The following COMMD10 variants were observed in gnomAD, a reference collection of about 807,000 sequenced individuals.
COMMD10 encodes the protein COMM domain containing 10.
A neutral mutation model predicts 28.9 loss-of-function variants in COMMD10; 33 were observed. The observed-to-expected ratio is 1.14, with a 90% confidence interval of 0.87 to 1.53. COMMD10 has a LOEUF of 1.53. Among genes scored for constraint, COMMD10 ranks in the 40% most tolerant of loss-of-function variants. The pLI, the probability that COMMD10 is intolerant of heterozygous loss-of-function variation, is 0.00. For missense variants in COMMD10, 310 were observed against 233.4 expected, an observed-to-expected ratio of 1.33 and a Z score of -2.14; for synonymous variants, 110 against 81.7, an observed-to-expected ratio of 1.35 and a Z score of -1.87.
chr5:116,146,464 T>C (rs1752354299), intron 5 of COMMD10, among the ~76,000 whole-genome samples: 1 of 151,874 alleles, frequency 6.6e-6, no homozygotes, highest in African/African-American at 2.4e-5. Context: ...CTGGTATTCT[T>C]ATTTTGAGGG....
intron 4 of COMMD10, among the ~76,000 whole-genome samples, chr5:116,105,010 A>G (rs1750792635): frequency 6.6e-6 from 1 of 152,166 alleles, no homozygotes; most frequent in African/African-American, 2.4e-5. Context: ...AGGAGTGGTG[A>G]GAGAGGGCAT....
intron 5 of COMMD10, among the ~76,000 whole-genome samples, chr5:116,212,776 C>G (rs1364584815): frequency 6.6e-6 from 1 of 151,848 alleles, no homozygotes; most frequent in African/African-American, 2.4e-5. Context: ...GTACAAACAT[C>G]GAAGGCTATC....
chr5:116,234,839 C>T (rs974103569), intron 5 of COMMD10, among the ~76,000 whole-genome samples: 3 of 152,046 alleles, frequency 2.0e-5, no homozygotes, highest in Non-Finnish European at 4.4e-5. Flanking sequence ...ATAATGGTGG[C>T]GGAGCACAGG....
intron 5 of COMMD10, among the ~76,000 whole-genome samples, chr5:116,230,983 T>G (rs1026900877): frequency 3.9e-5 from 6 of 151,964 alleles, no homozygotes; most frequent in Non-Finnish European, 8.8e-5. Flanking sequence ...TTGTGGGGAG[T>G]GGGGATAGTA....
At chr5:116,122,316 C>A (rs897566569) in intron 4 of COMMD10, among the ~76,000 whole-genome samples, 2 of 151,796 alleles carry the variant, frequency 1.3e-5, no homozygotes, top group South Asian at 2.1e-4. Flanking sequence ...ATTTCTGAGG[C>A]CTCTGTTCTG....
chr5:116,251,181 T>C (rs1161774681), intron 5 of COMMD10, among the ~76,000 whole-genome samples: 1 of 152,000 alleles, frequency 6.6e-6, no homozygotes, highest in East Asian at 1.9e-4. Context: ...ATTTTTCCAT[T>C]ATGTTCTTAC....
chr5:116,146,928 G>A (rs1447175314), intron 5 of COMMD10, among the ~76,000 whole-genome samples: 1 of 151,646 alleles, frequency 6.6e-6, no homozygotes, highest in Admixed American at 6.6e-5. Flanking sequence ...TAATACTTAT[G>A]ATCCAAAGCT....
rs76411354 is a variant in COMMD10, at chr5:116,266,680, C to T, written c.511-24837C>T. ...TTAGCCCATTATCCCTGATGAACATCGATGCAAAAATCCTCAATAAAACAC... is the reference window on the plus strand; with the variant it reads ...TTAGCCCATTATCCCTGATGAACATTGATGCAAAAATCCTCAATAAAACAC... On this transcript the variant is annotated intron_variant, in intron 5 of 6. Transcript: ENST00000274458. Among the ~76,000 whole-genome samples, 672 of 151,742 alleles carry T rather than the reference C, an allele frequency of 4.4e-3. 18 individuals are homozygous for T. Among genetic ancestry groups the T allele is most frequent in the African/African-American group, 0.015 (600 of 41,190 alleles).
At chr5:116,167,782 T>C (rs1261897606) in intron 5 of COMMD10, among the ~76,000 whole-genome samples, 1 of 151,958 alleles carries the variant, frequency 6.6e-6, no homozygotes, top group African/African-American at 2.4e-5. Flanking sequence ...AACCAGATAC[T>C]AAGGGATTTT....
chr5:116,262,651 T>A (rs1313448006), intron 5 of COMMD10, among the ~76,000 whole-genome samples: 1 of 151,870 alleles, frequency 6.6e-6, no homozygotes, highest in East Asian at 1.9e-4. Flanking sequence ...GTCTGTGTAT[T>A]CCCAAGATTT....
chr5:116,195,933 A>C (rs1748505809), intron 5 of COMMD10, among the ~76,000 whole-genome samples: 1 of 152,178 alleles, frequency 6.6e-6, no homozygotes, highest in African/African-American at 2.4e-5. Context: ...ATCAATAAAC[A>C]GAAGATGTTG....
chr5:116,186,157 CAAATTAATCAA>C (rs1190136392), intron 5 of COMMD10, among the ~76,000 whole-genome samples: 1 of 152,070 alleles, frequency 6.6e-6, no homozygotes, highest in African/African-American at 2.4e-5. Flanking sequence ...ATGAAGGTAA[CAAATTAATCAA>C]CTTATTGGTT....
chr5:116,237,071 C>T (rs1030867684), intron 5 of COMMD10, among the ~76,000 whole-genome samples: 4 of 152,020 alleles, frequency 2.6e-5, no homozygotes, highest in African/African-American at 9.7e-5. Context: ...GAGAAGCTGA[C>T]GTGAGCACTG....
intron 5 of COMMD10, among the ~76,000 whole-genome samples, chr5:116,244,660 CA>C (rs60360733): frequency 0.3 from 24,177 of 79,482 alleles, 2,123 homozygotes; most frequent in African/African-American, 0.37. Flanking sequence ...AAAAAAATTA[CA>C]AAAAAAAAAA....
At position 116,227,428 on chromosome 5, in the gene COMMD10, A is replaced by G. The variant is rs554388217; in HGVS notation, c.511-64089A>G. Among the ~76,000 whole-genome samples the G allele has an allele frequency of 2.6e-5, 4 of 152,108 alleles. No individual in the cohort carries two copies. The South Asian group carries it at 8.3e-4, about 32-fold the overall frequency. On this transcript the variant is annotated intron_variant, in intron 5 of 6. Coordinates refer to ENST00000274458, the MANE Select transcript of COMMD10 (RefSeq NM_016144.4). ...CTGATTTCCTTTTGTCTTTCACAAG[A>G]TCTTTGAAATCCCATTTTCTCTACA...
Position 116,129,767 on chromosome 5 carries a change from A to G in COMMD10, c.400-4301A>G, listed in dbSNP as rs987577795. Among the ~76,000 whole-genome samples, 21 of 101,076 alleles carry G rather than the reference A, an allele frequency of 2.1e-4. 1 individual carries two copies. Among genetic ancestry groups the G allele is most frequent in the East Asian group, 7.3e-4 (3 of 4,126 alleles). The allele number at this position is 101,076 out of a possible 152,430, so 66.3% of individuals were successfully genotyped here. ...AGTATATATATATACTATATACTAT[A>G]TAATATACATTAGTATATATATACT... On this transcript the variant is annotated intron_variant, in intron 4 of 6. Transcript: ENST00000274458.
intron 5 of COMMD10, among the ~76,000 whole-genome samples, chr5:116,220,249 G>C (rs1162539115): frequency 6.6e-6 from 1 of 152,160 alleles, no homozygotes; most frequent in African/African-American, 2.4e-5. Flanking sequence ...AACAATCTAG[G>C]TACTGAGTTT....
intron 5 of COMMD10, among the ~76,000 whole-genome samples, chr5:116,274,963 T>A (rs1273219958): frequency 6.6e-6 from 1 of 151,812 alleles, no homozygotes; most frequent in African/African-American, 2.4e-5. Flanking sequence ...TCTAATGGCC[T>A]GCTGGTATTT....
chr5:116,266,257 A>T (rs991238626), intron 5 of COMMD10, among the ~76,000 whole-genome samples: 1 of 151,704 alleles, frequency 6.6e-6, no homozygotes, highest in Non-Finnish European at 1.5e-5. Context: ...AATGTAATGC[A>T]TGTTTTCATT....
Sources: allele counts gnomAD v4.1 joint callset (sites outside exome capture counted in the v4.1 genomes callset), GRCh38; gene constraint gnomAD v4.1.1; transcripts MANE v1.5; gene names NCBI Gene and HGNC (gene_info 2026-07-23, HGNC 2026-07-21).